Variants in ZC3H7B observed in about 807,000 individuals in gnomAD.
ZC3H7B encodes the protein zinc finger CCCH domain-containing protein 7B.
A neutral mutation model predicts 116.0 loss-of-function variants in ZC3H7B; 35 were observed. The ratio of observed to expected loss-of-function variants is 0.30; its 90% CI spans 0.23 to 0.40. The LOEUF (loss-of-function observed/expected upper bound fraction) is 0.40, where lower values mean the gene tolerates loss of function less well. Among genes scored for constraint, ZC3H7B ranks in the 10% least tolerant of loss-of-function variants. The pLI is 1.00. For synonymous variants in ZC3H7B, 502 were observed against 545.6 expected (o/e 0.92, Z 1.11); for missense variants, 1,011 against 1,321.5 (o/e 0.77, Z 3.64).
chr22:41,355,453 C>T lies in ZC3H7B; in HGVS notation c.2035-16C>T, dbSNP rs2036701537. On this transcript the variant is annotated splice_polypyrimidine_tract_variant and intron_variant, in intron 17 of 22. Transcript: ENST00000352645. ...TGCCTGCAGCTTCACCAACCCCCCT[C>T]CCCATCCCCCCACAGGGTGCTCCGA... The T allele has an allele frequency of 6.2e-6, 10 of 1,613,278 alleles. No individual in the cohort carries two copies. Among genetic ancestry groups the T allele is most frequent in the Non-Finnish European group, 8.5e-6 (10 of 1,179,666 alleles).
At chr22:41,331,137 G>A (rs1293449985) in intron 6 of ZC3H7B, among the ~76,000 whole-genome samples, 1 of 146,168 alleles carries the variant, frequency 6.8e-6, no homozygotes, top group Non-Finnish European at 1.5e-5. Flanking sequence ...GATTACAAGC[G>A]TGAGCCACCG....
Position 41,343,420 on chromosome 22 carries a change from C to A in ZC3H7B, c.1303C>A (p.Arg435=). ...TGTGTCCACCCTGCCCATAGGCCCC[C>A]GGGCTGGCGACTACACCTACCGTGA... The part of the protein sequence containing the change: ...CQLCYPKTGP[R]AGDYTYREGL... The change falls in exon 13 of 23, where the codon CGG becomes AGG. Residue 435 remains arginine (R), a synonymous_variant. Transcript: ENST00000352645. 1 of 1,609,154 alleles carries A rather than the reference C, an allele frequency of 6.2e-7. No individual in the cohort carries two copies. Among genetic ancestry groups the A allele is most frequent in the Non-Finnish European group, 8.5e-7 (1 of 1,176,618 alleles).
intron 1 of ZC3H7B, among the ~76,000 whole-genome samples, chr22:41,317,401 C>T (rs1164024309): frequency 6.6e-6 from 1 of 152,130 alleles, no homozygotes; most frequent in Non-Finnish European, 1.5e-5. Context: ...CCTTAATTAG[C>T]TCCTTATGGG....
In ZC3H7B at chr22:41,302,882, C is replaced by G. The variant is rs1282060365; in HGVS notation, c.-7+1110C>G. Among the ~76,000 whole-genome samples the G allele has an allele frequency of 6.6e-6, 1 of 152,144 alleles. No homozygotes were observed. The highest frequency in any genetic ancestry group is 6.6e-5 in the Admixed American group (1 of 15,262). On this transcript the variant is annotated intron_variant, in intron 1 of 22. Coordinates refer to ENST00000352645, the MANE Select transcript of ZC3H7B (RefSeq NM_017590.6). This position sits in a 1 kb window ranked among gnomAD's most constrained non-coding sequence, Gnocchi z 5.7. ...TGGGCCTGAGTGGGGAGCTGGTGAT[C>G]AGCGGTTTTATTTCTCGGGTTGCTA...
chr22:41,339,445 G>T lies in ZC3H7B; in HGVS notation c.816+254G>T, dbSNP rs150741361. On this transcript the variant is annotated intron_variant, in intron 9 of 22. Coordinates refer to ENST00000352645, the MANE Select transcript of ZC3H7B (RefSeq NM_017590.6). ...ATTCGAGACCAGCCTGGCCAACGTG[G>T]TGAAACCCCCTCTCTACTAAAAATA... is the stretch of plus-strand genomic sequence containing the variant. Among the ~76,000 whole-genome samples, 452 of 152,228 alleles carry T rather than the reference G, an allele frequency of 3.0e-3. 1 individual carries two copies. Among genetic ancestry groups the T allele is most frequent in the African/African-American group, 0.01 (432 of 41,528 alleles).
At chr22:41,303,183 C>A (rs1040009762) in intron 1 of ZC3H7B, among the ~76,000 whole-genome samples, 2 of 152,170 alleles carry the variant, frequency 1.3e-5, no homozygotes, top group African/African-American at 4.8e-5. Flanking sequence ...GGAAATGACA[C>A]CTGGTCAACA....
rs114926093 is a variant in ZC3H7B at position 41,358,909 on chromosome 22, G to T, written c.*1480G>T. 0.019 allele frequency: 2,993 copies of T among 154,882 alleles called. 107 individuals are homozygous for T. The highest frequency in any genetic ancestry group is 0.068 in the African/African-American group (2,811 of 41,638). 9.6% of individuals were successfully genotyped at this position (154,882 alleles called of 1,614,324 possible). On this transcript the variant is annotated 3_prime_UTR_variant, in exon 23 of 23. Coordinates refer to ENST00000352645, the MANE Select transcript of ZC3H7B (RefSeq NM_017590.6). ...GAAGGAACCAGGGATTAGGCTGTAG[G>T]GGGGTGAGAAGGAGAGAAGGGACCA...
intron 2 of ZC3H7B, 38 bp from the exon 3 acceptor site, chr22:41,325,526 C>T (rs764769936): frequency 1.6e-5 from 25 of 1,596,552 alleles, no homozygotes; most frequent in East Asian, 2.2e-5. Context: ...CTGGGACCGC[C>T]GGGCTCACCC....
intron 2 of ZC3H7B, among the ~76,000 whole-genome samples, chr22:41,322,845 A>G (rs2036274729): frequency 6.6e-6 from 1 of 152,004 alleles, no homozygotes; most frequent in Admixed American, 6.6e-5. Flanking sequence ...TTGCCCAGGC[A>G]GGTCTCAATC....
chr22:41,342,967 G>A (rs544615387), intron 12 of ZC3H7B, among the ~76,000 whole-genome samples: 1 of 152,320 alleles, frequency 6.6e-6, no homozygotes, highest in South Asian at 2.1e-4. Flanking sequence ...GAGGTCAGGA[G>A]TTTGAGATCA....
intron 1 of ZC3H7B, among the ~76,000 whole-genome samples, chr22:41,312,844 G>A (rs1024171982): frequency 2.6e-5 from 4 of 152,142 alleles, no homozygotes; most frequent in African/African-American, 4.8e-5. Flanking sequence ...CTGGGAGGTC[G>A]AGTTTGAAGT....
At chr22:41,331,541 C>T (rs1391935044) in intron 6 of ZC3H7B, among the ~76,000 whole-genome samples, 1 of 130,360 alleles carries the variant, frequency 7.7e-6, no homozygotes, top group South Asian at 2.4e-4. Flanking sequence ...GGCAACAGAG[C>T]GAGACTCTGC....
At position 41,325,711 on chromosome 22, in the gene ZC3H7B, C is replaced by T; in HGVS notation, c.88-10C>T. On this transcript the variant is annotated splice_polypyrimidine_tract_variant and intron_variant, in intron 3 of 22. Coordinates refer to ENST00000352645, the MANE Select transcript of ZC3H7B (RefSeq NM_017590.6). ...GGTCATGAGCCCCCTACACACCTTGCCCCCAACAGGCCTTTCTGCTCAAGC... is the reference window on the plus strand; with the variant it reads ...GGTCATGAGCCCCCTACACACCTTGTCCCCAACAGGCCTTTCTGCTCAAGC... 6.2e-7 allele frequency: 1 copy of T among 1,611,442 alleles called. No individual in the cohort carries two copies. Among genetic ancestry groups the T allele is most frequent in the Non-Finnish European group, 8.5e-7 (1 of 1,178,956 alleles).
chr22:41,335,803 G>C (rs1366451308), intron 7 of ZC3H7B: 1 of 152,522 alleles, frequency 6.6e-6, no homozygotes, highest in Non-Finnish European at 1.5e-5. Flanking sequence ...AGGCTCTTGG[G>C]TCAGACAGCC....
intron 13 of ZC3H7B, among the ~76,000 whole-genome samples, chr22:41,345,659 T>C (rs1417383866): frequency 1.3e-5 from 2 of 151,992 alleles, no homozygotes; most frequent in African/African-American, 4.8e-5. Context: ...GTGAGTGGGG[T>C]AGGAGTGATT....
In ZC3H7B at chr22:41,340,090, G is replaced by A. The variant is rs1375138140; in HGVS notation, c.1091G>A (p.Ser364Asn). 2.5e-6 allele frequency: 4 copies of A among 1,611,762 alleles called. No individual in the cohort carries two copies. In the Admixed American group the frequency reaches 6.7e-5, roughly 27 times the overall value. Residue 364 changes from serine (S) to asparagine (N), a missense_variant, in exon 10 of 23, where the codon AGC becomes AAC. Coordinates refer to ENST00000352645, the MANE Select transcript of ZC3H7B (RefSeq NM_017590.6). ...GAGACCCGGCTGGATGCACTCGACA[G>A]CTTTGGGTCGACACGAGGCTCCCTG... ...YSETRLDALD[S>N]FGSTRGSLDK...
chr22:41,333,565 GC>G (rs1905018868), intron 7 of ZC3H7B: 1 of 151,798 alleles, frequency 6.6e-6, no homozygotes, highest in Admixed American at 6.5e-5. Flanking sequence ...GGCACAGTTT[GC>G]AGTGAGCCGA....
chr22:41,307,523 G>T (rs1002077178), intron 1 of ZC3H7B, among the ~76,000 whole-genome samples: 1 of 152,202 alleles, frequency 6.6e-6, no homozygotes, highest in African/African-American at 2.4e-5. Context: ...GAAACATCTG[G>T]TAACTTCAGT....
At chr22:41,329,468 A>G (rs1056577676) in intron 5 of ZC3H7B, among the ~76,000 whole-genome samples, 3 of 152,024 alleles carry the variant, frequency 2.0e-5, no homozygotes, top group African/African-American at 7.2e-5. Context: ...CATGTTGGCC[A>G]GGCTGGTCTT....
Sources: allele counts gnomAD v4.1 joint callset (sites outside exome capture counted in the v4.1 genomes callset), GRCh38; gene constraint gnomAD v4.1.1; non-coding constraint Gnocchi (gnomAD v3.1); transcripts MANE v1.5; gene names NCBI Gene and HGNC (gene_info 2026-07-23, HGNC 2026-07-21).